MPZL1: variants seen among roughly 807,000 people sequenced by gnomAD.
The protein encoded by MPZL1 is myelin protein zero-like protein 1.
Under a neutral mutation model 29.3 loss-of-function variants are expected in MPZL1, and 16 were observed. The ratio of observed to expected loss-of-function variants is 0.55; its 90% CI spans 0.37 to 0.83. MPZL1 has a LOEUF of 0.83. MPZL1 is among the 40% of genes least tolerant of loss of function. The pLI is 0.00. For missense variants in MPZL1, 279 were observed against 332.9 expected, an observed-to-expected ratio of 0.84 and a Z score of 1.26; for synonymous variants, 143 against 132.0, an observed-to-expected ratio of 1.08 and a Z score of -0.57.
At chr1:167,751,230 A>G (rs1017717056) in intron 1 of MPZL1, among the ~76,000 whole-genome samples, 2 of 152,204 alleles carry the variant, frequency 1.3e-5, no homozygotes, top group Non-Finnish European at 2.9e-5. Context: ...CACTCACCAT[A>G]TTATCTTTTT....
chr1:167,730,114 T>A (rs1217798131), intron 1 of MPZL1, among the ~76,000 whole-genome samples: 2 of 152,216 alleles, frequency 1.3e-5, no homozygotes, highest in Non-Finnish European at 2.9e-5. Context: ...GGGTGATGTT[T>A]GTGCCAAGAT....
chr1:167,788,938 T>C lies in MPZL1; in HGVS notation c.*1017T>C, dbSNP rs1661649759. 1 of 151,842 alleles carries C rather than the reference T, an allele frequency of 6.6e-6. No individual in the cohort carries two copies. The allele number at this position is 151,842 out of a possible 1,614,324, so 9.4% of individuals were successfully genotyped here. A position where few individuals can be genotyped will look rare whatever the true frequency, so the allele number is the denominator to read the frequency against. ...TGTTGCCCAGACTAGCCTTGAACTC[T>C]TGGGCTCAAGTGATTCTCCCTCCTC... On this transcript the variant is annotated 3_prime_UTR_variant, in exon 6 of 6. Coordinates refer to ENST00000359523, the MANE Select transcript of MPZL1 (RefSeq NM_003953.6).
intron 2 of MPZL1, among the ~76,000 whole-genome samples, chr1:167,768,388 CT>C (rs148008880): frequency 0.18 from 26,101 of 145,484 alleles, 2,662 homozygotes; most frequent in East Asian, 0.36. Context: ...CATAATGCCT[CT>C]TTTTTTTTTT....
chr1:167,722,344 C>G (rs1314928538), intron 1 of MPZL1, 102 bp downstream of exon 1: 3 of 1,226,538 alleles, frequency 2.4e-6, no homozygotes, highest in East Asian at 3.2e-5. Context: ...CACTGAGAGC[C>G]GAGGTGGGGA....
At chr1:167,731,252 T>G (rs1437399430) in intron 1 of MPZL1, among the ~76,000 whole-genome samples, 1 of 151,958 alleles carries the variant, frequency 6.6e-6, no homozygotes, top group Admixed American at 6.6e-5. Flanking sequence ...CTGGCCAACA[T>G]GATGAAACCC....
intron 5 of MPZL1, among the ~76,000 whole-genome samples, chr1:167,781,691 AC>A (rs1319090972): frequency 6.6e-6 from 1 of 152,144 alleles, no homozygotes; most frequent in Non-Finnish European, 1.5e-5. Flanking sequence ...ATTAAACCCA[AC>A]ATAAACAGAT....
intron 5 of MPZL1, among the ~76,000 whole-genome samples, chr1:167,778,827 T>C (rs4657713): frequency 0.75 from 113,766 of 151,556 alleles, 43,205 homozygotes; most frequent in African/African-American, 0.86. Flanking sequence ...ACAGATTAGA[T>C]ACTGCAAAAA....
At chr1:167,730,220 C>T (rs1660233724) in intron 1 of MPZL1, among the ~76,000 whole-genome samples, 1 of 152,098 alleles carries the variant, frequency 6.6e-6, no homozygotes, top group Admixed American at 6.6e-5. Context: ...TTTGTGCCAC[C>T]CAATACTCTA....
chr1:167,767,416 G>A (rs1661137164), intron 2 of MPZL1, among the ~76,000 whole-genome samples: 2 of 152,148 alleles, frequency 1.3e-5, no homozygotes, highest in Non-Finnish European at 2.9e-5. Context: ...TTTAAAGAGC[G>A]GTTCCATTTA....
chr1:167,784,590 C>T (rs1245292047), intron 5 of MPZL1, among the ~76,000 whole-genome samples: 1 of 152,194 alleles, frequency 6.6e-6, no homozygotes, highest in Non-Finnish European at 1.5e-5. Context: ...CATAGAGACT[C>T]AGGGCTCCTT....
chr1:167,764,017 A>G (rs1045929533), intron 1 of MPZL1, among the ~76,000 whole-genome samples: 1 of 152,206 alleles, frequency 6.6e-6, no homozygotes, highest in African/African-American at 2.4e-5. Context: ...TTCAAGGAGA[A>G]AAAATTCTGA....
intron 1 of MPZL1, among the ~76,000 whole-genome samples, chr1:167,740,388 A>G (rs982640146): frequency 6.6e-6 from 1 of 152,164 alleles, no homozygotes; most frequent in Non-Finnish European, 1.5e-5. Flanking sequence ...TCCTATCAGG[A>G]TCACCAGAGG....
intron 1 of MPZL1, among the ~76,000 whole-genome samples, chr1:167,741,277 C>T (rs1660518112): frequency 6.6e-6 from 1 of 150,936 alleles, no homozygotes; most frequent in Non-Finnish European, 1.5e-5. Context: ...CTGCCTCAGC[C>T]TCCCAAAGTG....
intron 1 of MPZL1, among the ~76,000 whole-genome samples, chr1:167,752,586 A>G (rs907926084): frequency 2.0e-5 from 3 of 152,226 alleles, no homozygotes; most frequent in Non-Finnish European, 2.9e-5. Flanking sequence ...AAATTCTGAT[A>G]AAGCCAGCAT....
chr1:167,783,863 T>C (rs559198446), intron 5 of MPZL1, among the ~76,000 whole-genome samples: 1 of 151,254 alleles, frequency 6.6e-6, no homozygotes, highest in Admixed American at 6.6e-5. Flanking sequence ...GAATAAATAC[T>C]AAAAAAAAAG....
rs2157601 is a variant in MPZL1 at position 167,781,288 on chromosome 1, C to T, written c.708+5122C>T. ...TTTATAAAACACTCCTTCCATCAAG[C>T]GCAGAATTCTTACTCTTTTTAAGTA... On this transcript the variant is annotated intron_variant, in intron 5 of 5. Coordinates refer to ENST00000359523, the MANE Select transcript of MPZL1 (RefSeq NM_003953.6). Among the ~76,000 whole-genome samples, 15 of 152,106 alleles carry T rather than the reference C, an allele frequency of 9.9e-5. No individual in the cohort carries two copies. The South Asian group carries it at 1.0e-3, about 11-fold the overall frequency.
chr1:167,754,531 G>A (rs1450960287), intron 1 of MPZL1, among the ~76,000 whole-genome samples: 1 of 152,188 alleles, frequency 6.6e-6, no homozygotes, highest in Admixed American at 6.5e-5. Context: ...ATACAAGTGT[G>A]TTATTGATTA....
chr1:167,779,349 C>G (rs542002772), intron 5 of MPZL1, among the ~76,000 whole-genome samples: 1 of 152,100 alleles, frequency 6.6e-6, no homozygotes, highest in Admixed American at 6.5e-5. Flanking sequence ...CTTTGGGAGG[C>G]TGAGGTGGGT....
intron 1 of MPZL1, among the ~76,000 whole-genome samples, chr1:167,738,557 G>A (rs1660430649): frequency 1.3e-5 from 2 of 152,172 alleles, no homozygotes; most frequent in Non-Finnish European, 2.9e-5. Flanking sequence ...AATCCCCAGT[G>A]TTGGAGGTGG....
Sources: gnomAD v4.1 joint callset for allele counts (sites outside exome capture counted in the v4.1 genomes callset) on GRCh38, gnomAD v4.1.1 for gene constraint, MANE v1.5 for transcripts, NCBI Gene and HGNC (gene_info 2026-07-23, HGNC 2026-07-21) for gene names.